Variants in KCNQ1 observed in about 807,000 individuals in gnomAD.
KCNQ1 encodes potassium voltage-gated channel subfamily KQT member 1.
A neutral mutation model predicts 72.4 loss-of-function variants in KCNQ1; 49 were observed. The observed-to-expected ratio is 0.68, with a 90% CI of 0.54 to 0.86. The LOEUF (loss-of-function observed/expected upper bound fraction) is 0.86, where lower values mean the gene tolerates loss of function less well. Ranked by LOEUF, KCNQ1 falls within the 40% of genes least tolerant of loss-of-function variation. The pLI is 0.00. For missense variants in KCNQ1, 790 were observed against 945.1 expected, an observed-to-expected ratio of 0.84 and a Z score of 2.15; for synonymous variants, 450 against 412.6, an observed-to-expected ratio of 1.09 and a Z score of -1.10.
intron 2 of KCNQ1, among the ~76,000 whole-genome samples, chr11:2,548,605 C>CA (rs1253865701): frequency 1.3e-5 from 2 of 152,228 alleles, no homozygotes; most frequent in Non-Finnish European, 2.9e-5. Flanking sequence ...AGGAGCCCGC[C>CA]AAGCCCTTAG....
rs767041919 is a variant in KCNQ1 at position 2,550,474 on chromosome 11, G to A, written c.478-20154G>A. Among the ~76,000 whole-genome samples the A allele has an allele frequency of 3.9e-5, 6 of 152,198 alleles. No individual in the cohort carries two copies. The highest frequency in any genetic ancestry group is 7.2e-5 in the African/African-American group (3 of 41,440). ...TTCCTCCCTAGGCAGCTCCATGCGC[G>A]GGCCCCGGAGCTGGAAAGCAGCCAA... On this transcript the variant is annotated intron_variant, in intron 2 of 15. Transcript: ENST00000155840. The surrounding 1 kb of genome is among the most constrained non-coding windows in gnomAD (Gnocchi z 6.0).
At chr11:2,622,394 G>T in intron 10 of KCNQ1, 1 of 398,182 alleles carries the variant, frequency 2.5e-6, no homozygotes, top group South Asian at 1.3e-4. Flanking sequence ...CTATTTGTAT[G>T]AAATATCATT....
At chr11:2,660,797 A>G in intron 10 of KCNQ1, 1 of 398,648 alleles carries the variant, frequency 2.5e-6, no homozygotes, top group Non-Finnish European at 4.4e-6. Flanking sequence ...AAAGCAATCT[A>G]GCAACATTTA....
chr11:2,717,110 G>C (rs1205064012), intron 11 of KCNQ1, among the ~76,000 whole-genome samples: 1 of 152,216 alleles, frequency 6.6e-6, no homozygotes, highest in African/African-American at 2.4e-5. Context: ...AGGGACCCAG[G>C]TGCTCTTGCA....
Position 2,769,616 on chromosome 11 carries a change from G to A in KCNQ1, c.1590+697G>A, listed in dbSNP as rs113373256. Among the ~76,000 whole-genome samples, 5 of 152,228 alleles carry A rather than the reference G, an allele frequency of 3.3e-5. No individual in the cohort carries two copies. Among genetic ancestry groups the A allele is most frequent in the East Asian group, 1.9e-4 (1 of 5,184 alleles). The stretch of plus-strand genomic sequence containing the variant: ...TTGGGGACATTCCTCGGATGAAGGC[G>A]GTGGTGGGGGGTACTGAGTCCTGGC... On this transcript the variant is annotated intron_variant, in intron 12 of 15. Coordinates refer to ENST00000155840, the MANE Select transcript of KCNQ1 (RefSeq NM_000218.3). This position sits in a 1 kb window ranked among gnomAD's most constrained non-coding sequence, Gnocchi z 4.6.
chr11:2,822,417 T>G (rs1590111057), intron 15 of KCNQ1, among the ~76,000 whole-genome samples: 1 of 151,612 alleles, frequency 6.6e-6, no homozygotes, highest in African/African-American at 2.4e-5. Flanking sequence ...GAGGTGGAGG[T>G]GGGGAAATGG....
Position 2,713,017 on chromosome 11 carries a change from C to T in KCNQ1, c.1514+50936C>T, listed in dbSNP as rs1328346611. Among the ~76,000 whole-genome samples, 4 of 152,208 alleles carry T rather than the reference C, an allele frequency of 2.6e-5. No individual in the cohort carries two copies. Among genetic ancestry groups the T allele is most frequent in the Admixed American group, 1.3e-4 (2 of 15,286 alleles). On this transcript the variant is annotated intron_variant, in intron 11 of 15. Coordinates refer to ENST00000155840, the MANE Select transcript of KCNQ1 (RefSeq NM_000218.3). The surrounding 1 kb of genome is among the most constrained non-coding windows in gnomAD (Gnocchi z 5.6). ...CCAGAGACCTGGTAAGTATGAGGAA[C>T]CACCCCTTGGCATGGGGCACCCAGA...
At chr11:2,454,061 C>T (rs1338072630) in intron 1 of KCNQ1, among the ~76,000 whole-genome samples, 3 of 152,088 alleles carry the variant, frequency 2.0e-5, no homozygotes, top group African/African-American at 7.2e-5. Context: ...TGAGCCACCA[C>T]ACCTGGCGTA....
intron 11 of KCNQ1, chr11:2,672,909 C>T (rs547776164): frequency 1.2e-4 from 49 of 398,776 alleles, no homozygotes; most frequent in African/African-American, 9.6e-4. Context: ...GCACTTGAGG[C>T]CTTGGGCTGG....
chr11:2,661,568 G>C lies in KCNQ1; in HGVS notation c.1394-393G>C. On this transcript the variant is annotated intron_variant, in intron 10 of 15. Coordinates refer to ENST00000155840, the MANE Select transcript of KCNQ1 (RefSeq NM_000218.3). The surrounding 1 kb of genome is among the most constrained non-coding windows in gnomAD (Gnocchi z 5.9). ...TCTGTCAATGTATGAGTGTGACAAT[G>C]TATGGTGGTGGGAGCTGTTGTCCCT... is the stretch of plus-strand genomic sequence containing the variant. The C allele has an allele frequency of 3.6e-6, 2 of 553,818 alleles. No homozygotes were observed. Among genetic ancestry groups the C allele is most frequent in the Non-Finnish European group, 6.4e-6 (2 of 311,852 alleles). 34.3% of individuals were successfully genotyped at this position (553,818 alleles called of 1,614,324 possible).
rs1027702574 is a variant in KCNQ1, at chr11:2,559,217, G to A, written c.478-11411G>A. Among the ~76,000 whole-genome samples, 5 of 152,036 alleles carry A rather than the reference G, an allele frequency of 3.3e-5. No homozygotes were observed. The highest frequency in any genetic ancestry group is 2.1e-4 in the South Asian group (1 of 4,816). Reference sequence around the variant, plus strand: ...GGCAGTCTTCCCAGAGGTGCTTCCCGGGAAGCCCGTGGAGAGGATGCATTC... The same window carrying A: ...GGCAGTCTTCCCAGAGGTGCTTCCCAGGAAGCCCGTGGAGAGGATGCATTC... On this transcript the variant is annotated intron_variant, in intron 2 of 15. Coordinates refer to ENST00000155840, the MANE Select transcript of KCNQ1 (RefSeq NM_000218.3). This position sits in a 1 kb window ranked among gnomAD's most constrained non-coding sequence, Gnocchi z 4.9.
At position 2,627,929 on chromosome 11, in the gene KCNQ1, T is replaced by C. The variant is rs561744070; in HGVS notation, c.1394-34032T>C. ...CCATGCCCAGCTAATTTTTAAAATT[T>C]TATGTAGAGATAGGGTATCACTATG... On this transcript the variant is annotated intron_variant, in intron 10 of 15. Coordinates refer to ENST00000155840, the MANE Select transcript of KCNQ1 (RefSeq NM_000218.3). This position sits in a 1 kb window ranked among gnomAD's most constrained non-coding sequence, Gnocchi z 4.9. 17 of 398,508 alleles carry C rather than the reference T, an allele frequency of 4.3e-5. No homozygotes were observed. Among genetic ancestry groups the C allele is most frequent in the Non-Finnish European group, 7.1e-5 (16 of 226,066 alleles). The allele number at this position is 398,508 out of a possible 1,614,324, so 24.7% of individuals were successfully genotyped here.
At chr11:2,731,957 G>A (rs1443672468) in intron 11 of KCNQ1, among the ~76,000 whole-genome samples, 1 of 152,252 alleles carries the variant, frequency 6.6e-6, no homozygotes, top group Non-Finnish European at 1.5e-5. Flanking sequence ...AGGAGAGGGA[G>A]GCCGCCTTGC....
chr11:2,552,866 T>C (rs1333823680), intron 2 of KCNQ1, among the ~76,000 whole-genome samples: 2 of 152,236 alleles, frequency 1.3e-5, no homozygotes, highest in Non-Finnish European at 2.9e-5. Flanking sequence ...TACCGAGTTT[T>C]CTGATCCACG....
chr11:2,539,188 G>A (rs897892758), intron 2 of KCNQ1, among the ~76,000 whole-genome samples: 3 of 152,202 alleles, frequency 2.0e-5, no homozygotes, highest in African/African-American at 7.2e-5. Flanking sequence ...ACCTCCTCCA[G>A]ATCTCCGCCA....
At chr11:2,456,450 T>C (rs1846191690) in intron 1 of KCNQ1, among the ~76,000 whole-genome samples, 1 of 151,860 alleles carries the variant, frequency 6.6e-6, no homozygotes, top group East Asian at 1.9e-4. Context: ...AAACTAAAAA[T>C]TCACAAGTGG....
chr11:2,509,325 C>G lies in KCNQ1; in HGVS notation c.387-18603C>G, dbSNP rs950450220. Among the ~76,000 whole-genome samples the G allele has an allele frequency of 1.3e-5, 2 of 152,152 alleles. No individual in the cohort carries two copies. Among genetic ancestry groups the G allele is most frequent in the African/African-American group, 4.8e-5 (2 of 41,410 alleles). ...CTTCCCTTGGCATCATCATTGTTTC[C>G]CCTCCATGTTCAAGTTCAGCATCTC... is the stretch of plus-strand genomic sequence containing the variant. On this transcript the variant is annotated intron_variant, in intron 1 of 15. Coordinates refer to ENST00000155840, the MANE Select transcript of KCNQ1 (RefSeq NM_000218.3). The surrounding 1 kb of genome is among the most constrained non-coding windows in gnomAD (Gnocchi z 6.3).
intron 11 of KCNQ1, chr11:2,662,699 G>A (rs949598761): frequency 2.0e-5 from 8 of 402,508 alleles, no homozygotes; most frequent in Non-Finnish European, 2.6e-5. Flanking sequence ...TGACAGCCGT[G>A]CAGCGGGGTC....
intron 11 of KCNQ1, chr11:2,696,363 CCCA>C: frequency 2.5e-6 from 1 of 398,596 alleles, no homozygotes; most frequent in Non-Finnish European, 4.4e-6. Flanking sequence ...CTGAACAGTC[CCCA>C]CTGATATGTG....
Sources: gnomAD v4.1 joint callset for allele counts (sites outside exome capture counted in the v4.1 genomes callset) on GRCh38, gnomAD v4.1.1 for gene constraint, Gnocchi (gnomAD v3.1) non-coding constraint, MANE v1.5 for transcripts, NCBI Gene and HGNC (gene_info 2026-07-23, HGNC 2026-07-21) for gene names.